The following RETREG1 variants were observed in gnomAD, a reference collection of about 807,000 sequenced individuals.
The protein encoded by RETREG1 is reticulophagy regulator 1, also known as family with sequence similarity 134 member B.
In RETREG1, 44 loss-of-function variants were observed where a neutral mutation model predicts 54.8. That is an observed-to-expected ratio of 0.80 (90% CI 0.63 to 1.03). The LOEUF is 1.03. Among genes scored for constraint, RETREG1 ranks in the 50% least tolerant of loss-of-function variants. The pLI is 0.00. For missense variants in RETREG1, 554 were observed against 605.1 expected (o/e 0.92, Z 0.89); for synonymous variants, 217 against 238.5 (o/e 0.91, Z 0.83).
intron 3 of RETREG1, among the ~76,000 whole-genome samples, chr5:16,504,761 C>A (rs540920430): frequency 6.6e-6 from 1 of 152,298 alleles, no homozygotes; most frequent in African/African-American, 2.4e-5. Flanking sequence ...GCTCTCTGTA[C>A]CTGTTTCAAA....
intron 1 of RETREG1, among the ~76,000 whole-genome samples, chr5:16,615,157 G>A (rs1263394098): frequency 2.6e-5 from 4 of 152,044 alleles, no homozygotes; most frequent in Non-Finnish European, 5.9e-5. Flanking sequence ...CAGCACTTTG[G>A]GAGGCCGAGG....
chr5:16,590,088 T>G (rs966155735), intron 1 of RETREG1, among the ~76,000 whole-genome samples: 12 of 152,216 alleles, frequency 7.9e-5, no homozygotes, highest in Non-Finnish European at 1.3e-4. Flanking sequence ...AGATCCTATT[T>G]CCAGAACATT....
rs145958078 is a variant in RETREG1, at chr5:16,570,938, C to A, written c.427+1058G>T. On this transcript the variant is annotated intron_variant, in intron 2 of 8. Transcript: ENST00000306320. ...CTGAAATCCACAGATTCACAGAAAG[C>A]ACTAAGGGCACAAAACCAAATTTGT... Among the ~76,000 whole-genome samples, 17 of 152,244 alleles carry A rather than the reference C, an allele frequency of 1.1e-4. No homozygotes were observed. The East Asian group carries it at 2.9e-3, about 26-fold the overall frequency.
intron 1 of RETREG1, among the ~76,000 whole-genome samples, chr5:16,573,700 G>T (rs1442265401): frequency 7.3e-5 from 10 of 137,506 alleles, no homozygotes; most frequent in South Asian, 2.2e-4. Context: ...GCAGGGAATG[G>T]TTTTTTTTTT....
At chr5:16,549,804 T>C (rs1331590083) in intron 3 of RETREG1, among the ~76,000 whole-genome samples, 2 of 152,122 alleles carry the variant, frequency 1.3e-5, no homozygotes, top group Admixed American at 6.5e-5. Flanking sequence ...ATTGAAAATA[T>C]CACTCATTTT....
chr5:16,597,330 C>T lies in RETREG1; in HGVS notation c.320+19322G>A, dbSNP rs535386794. On this transcript the variant is annotated intron_variant, in intron 1 of 8. Coordinates refer to ENST00000306320, the MANE Select transcript of RETREG1 (RefSeq NM_001034850.3). This position sits in a 1 kb window ranked among gnomAD's most constrained non-coding sequence, Gnocchi z 4.3. ...GGTGAACGGCCTAAAATATCTGACA[C>T]GGGATAAGTGCTCCACACCCATTAG... Among the ~76,000 whole-genome samples the T allele has an allele frequency of 6.6e-5, 10 of 152,330 alleles. No individual in the cohort carries two copies. The highest frequency in any genetic ancestry group is 3.9e-4 in the East Asian group (2 of 5,180).
At chr5:16,516,112 A>C (rs748836724) in intron 3 of RETREG1, among the ~76,000 whole-genome samples, 3 of 151,788 alleles carry the variant, frequency 2.0e-5, no homozygotes. Context: ...TCAGTTGTCT[A>C]TACCATGCAC....
At chr5:16,490,980 G>T (rs1273485769) in intron 3 of RETREG1, among the ~76,000 whole-genome samples, 1 of 152,172 alleles carries the variant, frequency 6.6e-6, no homozygotes, top group Admixed American at 6.5e-5. Flanking sequence ...CCCTCCAGCT[G>T]TTCCTAAATT....
chr5:16,490,499 G>T (rs1203902426), intron 3 of RETREG1, among the ~76,000 whole-genome samples: 1 of 152,074 alleles, frequency 6.6e-6, no homozygotes, highest in Non-Finnish European at 1.5e-5. Context: ...GGGGTTACAG[G>T]CACCATAAAA....
intron 3 of RETREG1, among the ~76,000 whole-genome samples, chr5:16,557,647 T>C (rs1487947728): frequency 7.9e-5 from 12 of 152,136 alleles, no homozygotes. Context: ...ATTATTATTT[T>C]TGAAAAAGGG....
At chr5:16,527,357 T>C (rs1189062856) in intron 3 of RETREG1, among the ~76,000 whole-genome samples, 3 of 152,150 alleles carry the variant, frequency 2.0e-5, no homozygotes, top group African/African-American at 7.2e-5. Context: ...ACCTTATACA[T>C]CTGAACACAA....
At chr5:16,479,130 AT>A (rs1232150006) in intron 5 of RETREG1, 143 bp from the exon 6 acceptor site, 21 of 776,076 alleles carry the variant, frequency 2.7e-5, no homozygotes, top group Non-Finnish European at 4.4e-5. Context: ...TAAGTTTATA[AT>A]TTCTATTCTT....
intron 3 of RETREG1, among the ~76,000 whole-genome samples, chr5:16,502,628 A>G (rs1739762821): frequency 6.6e-6 from 1 of 152,262 alleles, no homozygotes; most frequent in Non-Finnish European, 1.5e-5. Context: ...ACTAGAAGAC[A>G]GTATAACAGT....
chr5:16,539,455 C>A (rs1304978828), intron 3 of RETREG1, among the ~76,000 whole-genome samples: 2 of 152,122 alleles, frequency 1.3e-5, no homozygotes, highest in East Asian at 1.9e-4. Flanking sequence ...ATTTCCAGAA[C>A]ATGTTTCATA....
At chr5:16,601,063 T>A (rs1404424669) in intron 1 of RETREG1, among the ~76,000 whole-genome samples, 1 of 151,982 alleles carries the variant, frequency 6.6e-6, no homozygotes, top group Non-Finnish European at 1.5e-5. Flanking sequence ...ACCAGTAAGA[T>A]CTCCAGAAAA....
At chr5:16,486,614 G>A (rs1001111046) in intron 3 of RETREG1, among the ~76,000 whole-genome samples, 1 of 152,176 alleles carries the variant, frequency 6.6e-6, no homozygotes, top group Non-Finnish European at 1.5e-5. Context: ...CCAGGACTCT[G>A]GGTTTCCAAT....
intron 3 of RETREG1, among the ~76,000 whole-genome samples, chr5:16,543,021 C>G (rs1003043043): frequency 2.1e-4 from 32 of 152,314 alleles, no homozygotes; most frequent in African/African-American, 6.5e-4. Flanking sequence ...AAGACAAGAA[C>G]GGGTCTGCTT....
chr5:16,524,912 GCGCGGGGGACAC>G lies in RETREG1; in HGVS notation c.458+40839_458+40850del, dbSNP rs1740654026. 4.7e-5 allele frequency among the ~76,000 whole-genome samples: 6 copies of G among 127,832 alleles called. No homozygotes were observed. The South Asian group carries it at 7.7e-4, about 16-fold the overall frequency. 83.9% of individuals were successfully genotyped at this position (127,832 alleles called of 152,430 possible). The stretch of plus-strand genomic sequence containing the variant: ...TCCTCCGGCTCCTGCAGGTGGATGT[GCGCGGGGGACAC>G]TGTGCTGACCTGCGTCCTCCAGCCC... On this transcript the variant is annotated intron_variant, in intron 3 of 8. Transcript: ENST00000306320.
intron 1 of RETREG1, among the ~76,000 whole-genome samples, chr5:16,576,847 C>G (rs926557021): frequency 1.3e-5 from 2 of 151,408 alleles, no homozygotes; most frequent in African/African-American, 4.9e-5. Flanking sequence ...GATCTCTTAA[C>G]CTTGTGATCC....
Sources: gnomAD v4.1 joint callset for allele counts (sites outside exome capture counted in the v4.1 genomes callset) on GRCh38, gnomAD v4.1.1 for gene constraint, Gnocchi (gnomAD v3.1) non-coding constraint, MANE v1.5 for transcripts, NCBI Gene and HGNC (gene_info 2026-07-23, HGNC 2026-07-21) for gene names.